Variants in BACH2 observed in about 807,000 individuals in gnomAD.
BACH2 encodes the protein BACH transcriptional regulator 2.
A neutral mutation model predicts 61.8 loss-of-function variants in BACH2; 5 were observed. The ratio of observed to expected loss-of-function variants is 0.08; its 90% CI spans 0.04 to 0.17. The LOEUF is 0.17. Among genes scored for constraint, BACH2 ranks in the 10% least tolerant of loss-of-function variants. BACH2 has a pLI of 1.00. For synonymous variants in BACH2, 446 were observed against 440.1 expected (o/e 1.01, Z -0.17); for missense variants, 824 against 1,091.1 (o/e 0.76, Z 3.45).
At chr6:90,263,264 C>T (rs907109381) in intron 2 of BACH2, among the ~76,000 whole-genome samples, 4 of 152,156 alleles carry the variant, frequency 2.6e-5, no homozygotes, top group Non-Finnish European at 4.4e-5. Flanking sequence ...ATGACATACA[C>T]TGCTGTTAAA....
At chr6:90,092,291 A>AAAAAAAAAAAAATATAT in intron 4 of BACH2, among the ~76,000 whole-genome samples, 1 of 113,838 alleles carries the variant, frequency 8.8e-6, no homozygotes, top group African/African-American at 3.6e-5. Context: ...AAAAAAAAAA[A>AAAAAAAAAAAAATATAT]ATATATATAT....
chr6:90,210,590 G>C (rs768060937), intron 3 of BACH2, among the ~76,000 whole-genome samples: 1 of 152,124 alleles, frequency 6.6e-6, no homozygotes, highest in Admixed American at 6.6e-5. Flanking sequence ...TAAATATAAA[G>C]CATTAGGGAA....
intron 7 of BACH2, among the ~76,000 whole-genome samples, chr6:89,946,585 C>G (rs897092098): frequency 2.6e-5 from 4 of 152,182 alleles, no homozygotes; most frequent in Non-Finnish European, 5.9e-5. Flanking sequence ...GCTGAATGAA[C>G]TACGATTTAC....
At position 90,296,515 on chromosome 6, in the gene BACH2, C is replaced by T. The variant is rs1772399070; in HGVS notation, c.-481G>A. 1 of 151,732 alleles carries T rather than the reference C, an allele frequency of 6.6e-6. No homozygotes were observed. Among genetic ancestry groups the T allele is most frequent in the Non-Finnish European group, 1.5e-5 (1 of 67,904 alleles). 9.4% of individuals were successfully genotyped at this position (151,732 alleles called of 1,614,324 possible). A position where few individuals can be genotyped will look rare whatever the true frequency, so the allele number is the denominator to read the frequency against. On this transcript the variant is annotated 5_prime_UTR_variant, in exon 1 of 9. Coordinates refer to ENST00000257749, the MANE Select transcript of BACH2 (RefSeq NM_021813.4). ...AACTTTGCGTCCTTTTCCGCCTCCT[C>T]TTCCCCGCGTCTTCCCGGCTCGCAG... is the stretch of plus-strand genomic sequence containing the variant.
At position 89,942,191 on chromosome 6, in the gene BACH2, C is replaced by T. The variant is rs189953073; in HGVS notation, c.1837-3841G>A. ...TCTCTGAGGTGTTCTCAGACAGGCACCGGGTCGGGGTGGGTGGGAACTTGA... is the reference window on the plus strand; with the variant it reads ...TCTCTGAGGTGTTCTCAGACAGGCATCGGGTCGGGGTGGGTGGGAACTTGA... On this transcript the variant is annotated intron_variant, in intron 7 of 8. Coordinates refer to ENST00000257749, the MANE Select transcript of BACH2 (RefSeq NM_021813.4). Among the ~76,000 whole-genome samples the T allele has an allele frequency of 1.8e-3, 268 of 149,658 alleles. 6 individuals carry two copies. Among genetic ancestry groups the T allele is most frequent in the Admixed American group, 0.017 (252 of 15,116 alleles).
rs769123159 is a variant in BACH2, at chr6:90,145,484, T to G, written c.-161-56375A>C. On this transcript the variant is annotated intron_variant, in intron 4 of 8. Transcript: ENST00000257749. The stretch of plus-strand genomic sequence containing the variant: ...AAAAAGTGTTTACAAAACTAGTACA[T>G]AGTCAGCTTTTTAGAAACTAGTTCA... 4.6e-5 allele frequency among the ~76,000 whole-genome samples: 7 copies of G among 152,344 alleles called. 1 individual carries two copies. In the South Asian group the frequency reaches 1.2e-3, roughly 27 times the overall value.
chr6:90,123,279 C>A (rs1286758924), intron 4 of BACH2, among the ~76,000 whole-genome samples: 2 of 152,166 alleles, frequency 1.3e-5, no homozygotes, highest in African/African-American at 4.8e-5. Context: ...CACCTGGAGC[C>A]TCCCCAGAAG....
In BACH2 at chr6:90,029,988, G is replaced by A. The variant is rs1045938015; in HGVS notation, c.-12-21132C>T. Among the ~76,000 whole-genome samples, 7 of 152,236 alleles carry A rather than the reference G, an allele frequency of 4.6e-5. No homozygotes were observed. In the East Asian group the frequency reaches 1.3e-3, roughly 29 times the overall value. ...CTCCCATTTGCAGAGATGCTGAGTA[G>A]AAGGTCTTGAGTGTGCTTTATTTCT... On this transcript the variant is annotated intron_variant, in intron 5 of 8. Coordinates refer to ENST00000257749, the MANE Select transcript of BACH2 (RefSeq NM_021813.4).
chr6:90,205,134 G>A (rs1769097869), intron 4 of BACH2, among the ~76,000 whole-genome samples: 2 of 152,290 alleles, frequency 1.3e-5, no homozygotes, highest in East Asian at 3.9e-4. Context: ...AAATGACCAT[G>A]AGAAAAGTCA....
At chr6:90,081,179 T>C (rs1177954455) in intron 5 of BACH2, among the ~76,000 whole-genome samples, 2 of 152,192 alleles carry the variant, frequency 1.3e-5, no homozygotes, top group Non-Finnish European at 2.9e-5. Context: ...CTTGAATTTA[T>C]ATGACAAATG....
chr6:89,959,296 T>C (rs953945175), intron 6 of BACH2, among the ~76,000 whole-genome samples: 1 of 151,942 alleles, frequency 6.6e-6, no homozygotes, highest in Non-Finnish European at 1.5e-5. Flanking sequence ...TTTTGATTAG[T>C]AAAAAAAGGA....
At chr6:89,947,684 G>T (rs1773817380) in intron 7 of BACH2, among the ~76,000 whole-genome samples, 1 of 151,844 alleles carries the variant, frequency 6.6e-6, no homozygotes, top group Non-Finnish European at 1.5e-5. Context: ...TCCTGCCTCA[G>T]CCTCCTGAGT....
rs571900244 is a variant in BACH2 at position 90,032,618 on chromosome 6, A to G, written c.-12-23762T>C. On this transcript the variant is annotated intron_variant, in intron 5 of 8. Transcript: ENST00000257749. ...GACACATGAAAAAATGCTCATCATC[A>G]CTGGCCATCAGAGAAATGCAAATCA... Among the ~76,000 whole-genome samples, 451 of 152,080 alleles carry G rather than the reference A, an allele frequency of 3.0e-3. 2 individuals carry two copies. The highest frequency in any genetic ancestry group is 0.017 in the Middle Eastern group (5 of 294).
chr6:89,927,804 T>A lies in BACH2; in HGVS notation c.*4604A>T, dbSNP rs1279838738. 6.5e-6 allele frequency: 1 copy of A among 152,798 alleles called. No homozygotes were observed. The highest frequency in any genetic ancestry group is 1.5e-5 in the Non-Finnish European group (1 of 68,040). The allele number at this position is 152,798 out of a possible 1,614,324, so 9.5% of individuals were successfully genotyped here. A position where few individuals can be genotyped will look rare whatever the true frequency, so the allele number is the denominator to read the frequency against. On this transcript the variant is annotated 3_prime_UTR_variant, in exon 9 of 9. Transcript: ENST00000257749. ...GCAAGTAATGTTTTTGCACCGTCAG[T>A]TGAATAATTTATGCTCAATCTGCCA...
chr6:89,990,639 C>T (rs923089042), intron 6 of BACH2, among the ~76,000 whole-genome samples: 12 of 152,086 alleles, frequency 7.9e-5, no homozygotes, highest in South Asian at 2.1e-4. Context: ...CCACCCCCAC[C>T]GACCCCTCCA....
chr6:90,188,232 T>C (rs1254101636), intron 4 of BACH2, among the ~76,000 whole-genome samples: 1 of 152,222 alleles, frequency 6.6e-6, no homozygotes, highest in Non-Finnish European at 1.5e-5. Context: ...TTATCTACAT[T>C]TATTTTATTT....
chr6:90,160,558 C>T (rs1253503232), intron 4 of BACH2, among the ~76,000 whole-genome samples: 1 of 152,154 alleles, frequency 6.6e-6, no homozygotes, highest in Non-Finnish European at 1.5e-5. Flanking sequence ...AGAGTAGACT[C>T]AAGCTAAAAA....
chr6:90,043,934 C>G (rs1480447023), intron 5 of BACH2, among the ~76,000 whole-genome samples: 1 of 152,120 alleles, frequency 6.6e-6, no homozygotes, highest in Non-Finnish European at 1.5e-5. Context: ...CTTTTTTCTT[C>G]TTTTTTCCCT....
At chr6:90,275,354 C>G (rs1771656996) in intron 1 of BACH2, among the ~76,000 whole-genome samples, 1 of 152,128 alleles carries the variant, frequency 6.6e-6, no homozygotes. Context: ...TTCTCCCCTA[C>G]CTCCCCCTAC....
Sources: allele counts gnomAD v4.1 joint callset (sites outside exome capture counted in the v4.1 genomes callset), GRCh38; gene constraint gnomAD v4.1.1; transcripts MANE v1.5; gene names NCBI Gene and HGNC (gene_info 2026-07-23, HGNC 2026-07-21).